The following SAXO1 variants were observed in gnomAD, a reference collection of about 807,000 sequenced individuals.
SAXO1 encodes stabilizer of axonemal microtubules 1.
SAXO1 carries 21 observed loss-of-function variants against 17.5 expected under a neutral mutation model. The observed-to-expected ratio is 1.20, with a 90% CI of 0.85 to 1.72. SAXO1 has a LOEUF of 1.72. Ranked by LOEUF, SAXO1 falls within the 40% of genes most tolerant of loss-of-function variation. The pLI is 0.00. For missense variants in SAXO1, 843 were observed against 596.0 expected (o/e 1.41, Z -4.32); for synonymous variants, 274 against 216.5 (o/e 1.27, Z -2.33).
Position 18,950,838 on chromosome 9 carries a change from G to C in SAXO1, c.138C>G (p.Ser46=), listed in dbSNP as rs769112959. The change falls in exon 2 of 4, where the codon TCC becomes TCG. Residue 46 remains serine (S), a synonymous_variant. Transcript: ENST00000380534. ...GCTTGAAGGACTCTCTGGGCAGGTA[G>C]GAGTGATAGAAAGGGTAGTTCTCGG... ...EYTENYPFYH[S]YLPRESFKPR... 1 of 1,613,732 alleles carries C rather than the reference G, an allele frequency of 6.2e-7. No individual in the cohort carries two copies. The highest frequency in any genetic ancestry group is 8.5e-7 in the Non-Finnish European group (1 of 1,179,786).
chr9:18,987,896 C>A (rs1433619626), intron 1 of SAXO1, among the ~76,000 whole-genome samples: 43 of 136,330 alleles, frequency 3.2e-4, no homozygotes, highest in Non-Finnish European at 2.8e-4. Context: ...GACCCTGTCT[C>A]AAAAAAAAAA....
At position 19,043,147 on chromosome 9, in the gene SAXO1, G is replaced by A. The variant is rs969426263; in HGVS notation, c.-158+6062C>T. Among the ~76,000 whole-genome samples the A allele has an allele frequency of 5.3e-4, 80 of 152,164 alleles. 1 individual carries two copies. Among genetic ancestry groups the A allele is most frequent in the Admixed American group, 5.2e-3 (80 of 15,290 alleles). ...AGACTGCACCACTACACTCCAGCCT[G>A]AGCAACAGAGCAAAACCCTGTCCCC... On this transcript the variant is annotated intron_variant, in intron 1 of 3. Coordinates refer to the SAXO1 transcript ENST00000542071.
chr9:18,947,232 A>G lies in SAXO1; in HGVS notation c.218+3526T>C, dbSNP rs76575177. On this transcript the variant is annotated intron_variant, in intron 2 of 3. Coordinates refer to ENST00000380534, the MANE Select transcript of SAXO1 (RefSeq NM_153707.4). The stretch of plus-strand genomic sequence containing the variant: ...AGTCAGGTGTCTCTTTGAACAAAAA[A>G]TATATATATAAAATTCAATGGGCAG... Among the ~76,000 whole-genome samples, 1,318 of 152,240 alleles carry G rather than the reference A, an allele frequency of 8.7e-3. 14 individuals carry two copies. Among genetic ancestry groups the G allele is most frequent in the African/African-American group, 0.031 (1,267 of 41,540 alleles).
chr9:19,032,952 G>C lies in SAXO1; in HGVS notation c.-44C>G, dbSNP rs746944812. On this transcript the variant is annotated 5_prime_UTR_variant, in exon 1 of 4. Coordinates refer to ENST00000380534, the MANE Select transcript of SAXO1 (RefSeq NM_153707.4). Reference sequence around the variant, plus strand: ...CTGACGTCCCCTCAGAGCATCGCCAGCTGCAGCCGACTCCTAGACCCCAAC... The same window carrying C: ...CTGACGTCCCCTCAGAGCATCGCCACCTGCAGCCGACTCCTAGACCCCAAC... 2 of 1,584,756 alleles carry C rather than the reference G, an allele frequency of 1.3e-6. No individual in the cohort carries two copies. The highest frequency in any genetic ancestry group is 1.3e-5 in the African/African-American group (1 of 74,478).
chr9:19,025,421 G>C (rs529109057), intron 1 of SAXO1, among the ~76,000 whole-genome samples: 8 of 152,008 alleles, frequency 5.3e-5, no homozygotes, highest in African/African-American at 1.9e-4. Context: ...AAAATCTAAG[G>C]TTAAGGAAAT....
chr9:18,992,546 T>G (rs1833853869), intron 1 of SAXO1, among the ~76,000 whole-genome samples: 1 of 152,130 alleles, frequency 6.6e-6, no homozygotes, highest in Non-Finnish European at 1.5e-5. Context: ...TTCAAAATCT[T>G]TTGAGGTGGC....
chr9:18,971,252 T>A (rs560295991), intron 1 of SAXO1, among the ~76,000 whole-genome samples: 1 of 152,304 alleles, frequency 6.6e-6, no homozygotes, highest in East Asian at 1.9e-4. Flanking sequence ...TTTTCTCCAC[T>A]GCTCGTAAGC....
chr9:19,030,417 A>T (rs1334039284), intron 1 of SAXO1, among the ~76,000 whole-genome samples: 1 of 151,520 alleles, frequency 6.6e-6, no homozygotes, highest in Admixed American at 6.6e-5. Context: ...TTTAGAAAAG[A>T]GTCAATGTGC....
At chr9:18,955,036 G>A (rs896268238) in intron 1 of SAXO1, among the ~76,000 whole-genome samples, 1 of 151,974 alleles carries the variant, frequency 6.6e-6, no homozygotes, top group Admixed American at 6.6e-5. Flanking sequence ...AGCCACATTA[G>A]AAGGGTAAAA....
rs1449038282 is a variant in SAXO1 at position 19,033,071 on chromosome 9, C to T, written c.-163G>A. On this transcript the variant is annotated 5_prime_UTR_variant, in exon 1 of 4. Coordinates refer to ENST00000380534, the MANE Select transcript of SAXO1 (RefSeq NM_153707.4). ...AAGTGGCCCTTTTGCAATGTCCTGT[C>T]GTCTGTTGCCCTCCTGGAGCTGGCC... The T allele has an allele frequency of 1.1e-5, 7 of 653,914 alleles. No individual in the cohort carries two copies. The highest frequency in any genetic ancestry group is 6.2e-5 in the East Asian group (2 of 32,262). 40.5% of individuals were successfully genotyped at this position (653,914 alleles called of 1,614,324 possible).
At chr9:18,990,617 G>A (rs375451539) in intron 1 of SAXO1, among the ~76,000 whole-genome samples, 8 of 152,288 alleles carry the variant, frequency 5.3e-5, no homozygotes, top group African/African-American at 1.7e-4. Flanking sequence ...CCGATCCGTA[G>A]CCTGTTAGGA....
At position 18,927,867 on chromosome 9, in the gene SAXO1, G is replaced by A. The variant is rs959297584; in HGVS notation, c.*185C>T. The A allele has an allele frequency of 1.9e-4, 115 of 596,236 alleles. 3 individuals are homozygous for A. Among genetic ancestry groups the A allele is most frequent in the Admixed American group, 8.4e-4 (25 of 29,784 alleles). 36.9% of individuals were successfully genotyped at this position (596,236 alleles called of 1,614,324 possible). Reference sequence around the variant, plus strand: ...AGAAGGTAAGGGGAGTTAATTAGCCGGTGATTAAATGTCATTTTCCCTGAG... The same window carrying A: ...AGAAGGTAAGGGGAGTTAATTAGCCAGTGATTAAATGTCATTTTCCCTGAG... On this transcript the variant is annotated 3_prime_UTR_variant, in exon 4 of 4. Transcript: ENST00000380534.
chr9:19,030,401 CCA>C (rs1380256618), intron 1 of SAXO1, among the ~76,000 whole-genome samples: 5 of 151,110 alleles, frequency 3.3e-5, no homozygotes, highest in Non-Finnish European at 7.4e-5. Flanking sequence ...GAGGAGGGAC[CCA>C]GACTTTAGAA....
chr9:18,950,663 A>G, intron 2 of SAXO1, 95 bp downstream of exon 2: 1 of 1,061,752 alleles, frequency 9.4e-7, no homozygotes, highest in South Asian at 1.9e-5. Context: ...TTAATGCATT[A>G]GCACTGCACA....
chr9:18,994,116 AC>A (rs1833918365), intron 1 of SAXO1, among the ~76,000 whole-genome samples: 1 of 152,244 alleles, frequency 6.6e-6, no homozygotes, highest in African/African-American at 2.4e-5. Flanking sequence ...CTAAAATAAA[AC>A]AGGTTACTGT....
intron 1 of SAXO1, among the ~76,000 whole-genome samples, chr9:18,953,939 T>C (rs1018149968): frequency 1.3e-5 from 2 of 152,128 alleles, no homozygotes; most frequent in Non-Finnish European, 2.9e-5. Flanking sequence ...TAAAGAAAGT[T>C]TGTAGAATTG....
chr9:19,045,572 C>T (rs1836194091), intron 1 of SAXO1, among the ~76,000 whole-genome samples: 1 of 152,112 alleles, frequency 6.6e-6, no homozygotes, highest in Admixed American at 6.6e-5. Flanking sequence ...CTTTCTTCTC[C>T]CACTTAGTAA....
At chr9:18,946,394 C>T (rs1244217812) in intron 2 of SAXO1, among the ~76,000 whole-genome samples, 1 of 150,372 alleles carries the variant, frequency 6.7e-6, no homozygotes, top group African/African-American at 2.4e-5. Flanking sequence ...GCCCTAAATT[C>T]TGTACATAAA....
chr9:18,946,739 C>T (rs760347025), intron 2 of SAXO1, among the ~76,000 whole-genome samples: 46 of 152,090 alleles, frequency 3.0e-4, no homozygotes, highest in Non-Finnish European at 5.1e-4. Context: ...TTAAACCATG[C>T]TCATTAAGGA....
Sources: gnomAD v4.1 joint callset for allele counts (sites outside exome capture counted in the v4.1 genomes callset) on GRCh38, gnomAD v4.1.1 for gene constraint, MANE v1.5 for transcripts, NCBI Gene and HGNC (gene_info 2026-07-23, HGNC 2026-07-21) for gene names.